Variants in ACBD3 observed in about 807,000 individuals in gnomAD.
The protein encoded by ACBD3 is Golgi resident protein GCP60.
In ACBD3, 30 loss-of-function variants were observed where a neutral mutation model predicts 66.9. That is an observed-to-expected ratio of 0.45 (90% confidence interval 0.34 to 0.61). The LOEUF is 0.61. Among genes scored for constraint, ACBD3 ranks in the 20% least tolerant of loss-of-function variants. The pLI is 0.02. For synonymous variants in ACBD3, 278 were observed against 259.8 expected, an observed-to-expected ratio of 1.07 and a Z score of -0.68; for missense variants, 544 against 664.5, an observed-to-expected ratio of 0.82 and a Z score of 1.99.
At chr1:226,150,984 T>C (rs1007472480) in intron 7 of ACBD3, among the ~76,000 whole-genome samples, 5 of 152,242 alleles carry the variant, frequency 3.3e-5, no homozygotes, top group African/African-American at 7.2e-5. Flanking sequence ...TAGCATTAAA[T>C]ATTAACTGTT....
At position 226,145,432 on chromosome 1, in the gene ACBD3, C is replaced by CT. The variant is rs1267942514; in HGVS notation, c.*1177dup. On this transcript the variant is annotated 3_prime_UTR_variant, in exon 8 of 8. Coordinates refer to ENST00000366812, the MANE Select transcript of ACBD3 (RefSeq NM_022735.4). ...TTTTCTATCTATACCACTCTCCCTT[C>CT]TGAAAACAAGAATCACTAGCCAATC... is the stretch of plus-strand genomic sequence containing the variant. The CT allele has an allele frequency of 6.6e-6, 1 of 152,416 alleles. No homozygotes were observed. The highest frequency in any genetic ancestry group is 1.5e-5 in the Non-Finnish European group (1 of 67,996). 9.4% of individuals were successfully genotyped at this position (152,416 alleles called of 1,614,324 possible).
intron 3 of ACBD3, among the ~76,000 whole-genome samples, chr1:226,163,915 G>A (rs1659818695): frequency 6.6e-6 from 1 of 152,072 alleles, no homozygotes; most frequent in South Asian, 2.1e-4. Context: ...GAGGTCAGGA[G>A]TTTGAGACCA....
At chr1:226,166,074 GC>G in intron 1 of ACBD3, 74 bp from the exon 2 acceptor site, 1 of 1,456,336 alleles carries the variant, frequency 6.9e-7, no homozygotes, top group South Asian at 1.4e-5. Flanking sequence ...ATATACTAAA[GC>G]TTTGCTACAA....
rs1316682152 is a variant in ACBD3 at position 226,161,522 on chromosome 1, T to C, written c.728+9A>G. On this transcript the variant is annotated intron_variant, in intron 4 of 7. Coordinates refer to ENST00000366812, the MANE Select transcript of ACBD3 (RefSeq NM_022735.4). Reference sequence around the variant, plus strand: ...TCATTTTAAAACATAAGCCACATAATAAACTTACTTTTGCTGCTCCAACCG... The same window carrying C: ...TCATTTTAAAACATAAGCCACATAACAAACTTACTTTTGCTGCTCCAACCG... The C allele has an allele frequency of 3.7e-6, 6 of 1,610,958 alleles. No individual in the cohort carries two copies. The highest frequency in any genetic ancestry group is 5.1e-6 in the Non-Finnish European group (6 of 1,179,410).
At chr1:226,177,654 TGA>T (rs1656072528) in intron 1 of ACBD3, among the ~76,000 whole-genome samples, 1 of 151,984 alleles carries the variant, frequency 6.6e-6, no homozygotes, top group African/African-American at 2.4e-5. Context: ...TTCCCAACCA[TGA>T]GAGTCTGAAC....
intron 7 of ACBD3, among the ~76,000 whole-genome samples, chr1:226,148,628 G>C (rs1394811311): frequency 6.6e-6 from 1 of 152,124 alleles, no homozygotes; most frequent in East Asian, 1.9e-4. Context: ...CAAGGTTTAG[G>C]ACCTGTAAAC....
chr1:226,185,803 C>G (rs1656287107), intron 1 of ACBD3, among the ~76,000 whole-genome samples: 1 of 152,112 alleles, frequency 6.6e-6, no homozygotes, highest in Admixed American at 6.6e-5. Flanking sequence ...CATCTCTCCT[C>G]AAGAGTTTGA....
intron 1 of ACBD3, among the ~76,000 whole-genome samples, chr1:226,181,558 G>A (rs1311168584): frequency 6.6e-6 from 1 of 151,932 alleles, no homozygotes; most frequent in Non-Finnish European, 1.5e-5. Context: ...ATAACTGAGG[G>A]GCCTGAGGCA....
intron 7 of ACBD3, among the ~76,000 whole-genome samples, chr1:226,147,274 G>C (rs139283525): frequency 6.6e-6 from 1 of 152,100 alleles, no homozygotes; most frequent in African/African-American, 2.4e-5. Flanking sequence ...TTATTAGTTC[G>C]TTCATTCATT....
At chr1:226,170,905 G>A (rs896128611) in intron 1 of ACBD3, among the ~76,000 whole-genome samples, 8 of 150,938 alleles carry the variant, frequency 5.3e-5, no homozygotes, top group African/African-American at 1.7e-4. Flanking sequence ...TCAGCCTCCT[G>A]AGTAGCTGGA....
chr1:226,170,496 C>T (rs1313559610), intron 1 of ACBD3, among the ~76,000 whole-genome samples: 1 of 151,738 alleles, frequency 6.6e-6, no homozygotes, highest in African/African-American at 2.4e-5. Flanking sequence ...AGAATAAACT[C>T]AATTAAGTAG....
chr1:226,177,432 T>C (rs976353801), intron 1 of ACBD3, among the ~76,000 whole-genome samples: 1 of 151,130 alleles, frequency 6.6e-6, no homozygotes, highest in Non-Finnish European at 1.5e-5. Context: ...CCTGAACTCG[T>C]AGATCCGCCT....
At chr1:226,168,707 G>A (rs1659919468) in intron 1 of ACBD3, among the ~76,000 whole-genome samples, 1 of 152,170 alleles carries the variant, frequency 6.6e-6, no homozygotes, top group African/African-American at 2.4e-5. Flanking sequence ...AACCTACTGT[G>A]CTGCCAGCTG....
At chr1:226,161,146 C>CCTTTTTTTT (rs1659765122) in intron 4 of ACBD3, among the ~76,000 whole-genome samples, 1 of 134,266 alleles carries the variant, frequency 7.4e-6, no homozygotes, top group Admixed American at 7.9e-5. Flanking sequence ...TAATACATTC[C>CCTTTTTTTT]TTTTTTTTTT....
At chr1:226,155,369 A>G (rs1406141796) in intron 5 of ACBD3, among the ~76,000 whole-genome samples, 1 of 151,146 alleles carries the variant, frequency 6.6e-6, no homozygotes, top group Non-Finnish European at 1.5e-5. Context: ...GTGACCTGAG[A>G]TCGTGCCATT....
chr1:226,152,830 T>C (rs1005464727), intron 6 of ACBD3, among the ~76,000 whole-genome samples: 4 of 152,240 alleles, frequency 2.6e-5, no homozygotes, highest in Admixed American at 6.5e-5. Flanking sequence ...TCAGAGGTCA[T>C]CGTACTTCTT....
At chr1:226,166,541 A>G (rs1659881270) in intron 1 of ACBD3, among the ~76,000 whole-genome samples, 1 of 148,814 alleles carries the variant, frequency 6.7e-6, no homozygotes, top group African/African-American at 2.5e-5. Flanking sequence ...GCTGGAATGC[A>G]GTGGCACAAT....
At chr1:226,178,571 T>A in intron 1 of ACBD3, among the ~76,000 whole-genome samples, 1 of 30,654 alleles carries the variant, frequency 3.3e-5, no homozygotes, top group Non-Finnish European at 5.8e-5. Flanking sequence ...CAAGACTCCG[T>A]CTCAAAAAAA....
intron 7 of ACBD3, among the ~76,000 whole-genome samples, chr1:226,149,330 G>A (rs192019603): frequency 5.0e-4 from 74 of 149,096 alleles, no homozygotes; most frequent in Admixed American, 1.4e-3. Context: ...GGGTTCAAGC[G>A]ATTCTCCTGC....
Sources: gnomAD v4.1 joint callset for allele counts (sites outside exome capture counted in the v4.1 genomes callset) on GRCh38, gnomAD v4.1.1 for gene constraint, MANE v1.5 for transcripts, NCBI Gene and HGNC (gene_info 2026-07-23, HGNC 2026-07-21) for gene names.